The following JMJD1C variants were observed in gnomAD, a reference collection of about 807,000 sequenced individuals.
JMJD1C encodes the protein jumonji domain containing 1C.
A neutral mutation model predicts 245.3 loss-of-function variants in JMJD1C; 31 were observed. The observed-to-expected ratio is 0.13, with a 90% CI of 0.09 to 0.17. The LOEUF is 0.17. JMJD1C is among the 10% of genes least tolerant of loss of function. The pLI is 1.00. For synonymous variants in JMJD1C, 1,057 were observed against 1,017.4 expected (o/e 1.04, Z -0.74); for missense variants, 2,691 against 3,000.2 (o/e 0.90, Z 2.41).
chr10:63,228,622 C>T (rs1223414642), intron 3 of JMJD1C, among the ~76,000 whole-genome samples: 1 of 152,116 alleles, frequency 6.6e-6, no homozygotes, highest in Non-Finnish European at 1.5e-5. Context: ...ACAGAACAAC[C>T]AGTATGAAGC....
intron 1 of JMJD1C, among the ~76,000 whole-genome samples, chr10:63,435,826 G>A (rs569423873): frequency 6.6e-6 from 1 of 152,208 alleles, no homozygotes; most frequent in Non-Finnish European, 1.5e-5. Flanking sequence ...TAGAACCCAG[G>A]AGGCAGAAGT....
At chr10:63,385,405 C>A (rs1430063085) in intron 1 of JMJD1C, among the ~76,000 whole-genome samples, 1 of 147,806 alleles carries the variant, frequency 6.8e-6, no homozygotes, top group Non-Finnish European at 1.5e-5. Flanking sequence ...CCATGCCTTC[C>A]CTGCCCCCGC....
At chr10:63,255,107 A>C (rs905385023) in intron 3 of JMJD1C, among the ~76,000 whole-genome samples, 12 of 152,078 alleles carry the variant, frequency 7.9e-5, no homozygotes, top group Non-Finnish European at 1.6e-4. Flanking sequence ...CGGCCTCCCA[A>C]AGTGCTAGGA....
chr10:63,396,784 C>T (rs1948517733), intron 1 of JMJD1C, among the ~76,000 whole-genome samples: 1 of 151,424 alleles, frequency 6.6e-6, no homozygotes, highest in Admixed American at 6.6e-5. Context: ...TTGTGATATA[C>T]TTCCTTAGAT....
intron 2 of JMJD1C, among the ~76,000 whole-genome samples, chr10:63,338,730 C>T (rs1019207648): frequency 6.9e-6 from 1 of 144,284 alleles, no homozygotes; most frequent in Non-Finnish European, 1.5e-5. Flanking sequence ...CTCACCGCAA[C>T]CTCTGCCTCC....
At chr10:63,520,543 G>A (rs971437184) in intron 1 of JMJD1C, among the ~76,000 whole-genome samples, 5 of 148,574 alleles carry the variant, frequency 3.4e-5, no homozygotes, top group African/African-American at 7.4e-5. Context: ...GTCTGCCCTT[G>A]AAATGATATT....
intron 3 of JMJD1C, among the ~76,000 whole-genome samples, chr10:63,251,682 T>C (rs1853102126): frequency 6.6e-6 from 1 of 152,312 alleles, no homozygotes; most frequent in African/African-American, 2.4e-5. Flanking sequence ...TTTAGGATGC[T>C]GAAAGCACCT....
chr10:63,423,265 CA>C (rs1173924523), intron 1 of JMJD1C, among the ~76,000 whole-genome samples: 3 of 151,988 alleles, frequency 2.0e-5, no homozygotes, highest in Non-Finnish European at 2.9e-5. Context: ...GCACCTGGCC[CA>C]AAACTTTTTC....
intron 1 of JMJD1C, among the ~76,000 whole-genome samples, chr10:63,439,198 T>C (rs1487539535): frequency 6.6e-6 from 1 of 152,200 alleles, no homozygotes; most frequent in Non-Finnish European, 1.5e-5. Context: ...TAATGCCCAT[T>C]AGTACATACT....
chr10:63,214,027 A>C lies in JMJD1C; in HGVS notation c.2140T>G (p.Tyr714Asp). Residue 714 changes from tyrosine to aspartate, a missense_variant, in exon 8 of 26, where the codon TAC (tyrosine) becomes GAC (aspartate). By Grantham distance (160) the Tyr-to-Asp change is radical. This residue lies in a region of JMJD1C where 1,562 missense variants were observed against 1,490.7 expected (regional missense o/e 1.05). Transcript: ENST00000399262. ...GACCCAATAAGTGCAGGATCTCTGT[A>C]AACTGTAAAATGCTCATTTTTATCA... ...IIDKNEHFTVYRDPALIGSET... is the reference protein window; with the variant it reads ...IIDKNEHFTVDRDPALIGSET... The C allele has an allele frequency of 1.9e-6, 3 of 1,614,222 alleles. No homozygotes were observed. The South Asian group carries it at 3.3e-5, about 18-fold the overall frequency.
At chr10:63,485,310 C>T (rs1304585115) in intron 1 of JMJD1C, among the ~76,000 whole-genome samples, 1 of 152,060 alleles carries the variant, frequency 6.6e-6, no homozygotes, top group Non-Finnish European at 1.5e-5. Context: ...ACTGTGCTCT[C>T]CTCTTTCTAT....
At chr10:63,215,812 A>G (rs765271782) in intron 5 of JMJD1C, 116 bp from the exon 6 acceptor site, 9 of 630,408 alleles carry the variant, frequency 1.4e-5, no homozygotes, top group Non-Finnish European at 2.2e-5. Flanking sequence ...TCCCTAATTT[A>G]TAAGATGCTG....
chr10:63,464,296 A>T (rs373243666), intron 1 of JMJD1C, among the ~76,000 whole-genome samples: 1 of 152,218 alleles, frequency 6.6e-6, no homozygotes, highest in Admixed American at 6.5e-5. Context: ...CGCATTAACC[A>T]TATCATTGAC....
At chr10:63,379,409 T>C (rs1947033912) in intron 2 of JMJD1C, among the ~76,000 whole-genome samples, 2 of 152,188 alleles carry the variant, frequency 1.3e-5, no homozygotes, top group Admixed American at 1.3e-4. Context: ...CTTTTCCTAA[T>C]ACAATTTAAT....
chr10:63,236,727 A>C (rs991981038), intron 3 of JMJD1C, among the ~76,000 whole-genome samples: 7 of 152,214 alleles, frequency 4.6e-5, no homozygotes, highest in African/African-American at 1.7e-4. Flanking sequence ...AGAAGTAAAA[A>C]ATTCCTGGGA....
At chr10:63,405,620 G>A (rs1589685857) in intron 1 of JMJD1C, among the ~76,000 whole-genome samples, 3 of 152,116 alleles carry the variant, frequency 2.0e-5, no homozygotes, top group Non-Finnish European at 4.4e-5. Context: ...ACAGCGCCCA[G>A]CCCCACATGT....
chr10:63,385,400 C>T lies in JMJD1C; in HGVS notation c.169-4918G>A, dbSNP rs184201234. Among the ~76,000 whole-genome samples, 133 of 146,226 alleles carry T rather than the reference C, an allele frequency of 9.1e-4. 1 individual carries two copies. Among genetic ancestry groups the T allele is most frequent in the African/African-American group, 3.0e-3 (120 of 39,868 alleles). On this transcript the variant is annotated intron_variant, in intron 1 of 25. Transcript: ENST00000399262. ...ATGCAAAGTTGTCACAAATCCCATG[C>T]CTTCCCTGCCCCCGCCTTTTTTTTT... is the stretch of plus-strand genomic sequence containing the variant.
intron 1 of JMJD1C, among the ~76,000 whole-genome samples, chr10:63,485,915 C>T (rs16918507): frequency 0.14 from 20,759 of 151,722 alleles, 3,281 homozygotes; most frequent in African/African-American, 0.39. Flanking sequence ...ACAGTAGGGA[C>T]AAGACAAATA....
chr10:63,289,025 T>C (rs1858331597), intron 2 of JMJD1C, among the ~76,000 whole-genome samples: 1 of 151,944 alleles, frequency 6.6e-6, no homozygotes, highest in African/African-American at 2.4e-5. Context: ...TCTTTTAATA[T>C]CCTTAGTTCT....
Sources: gnomAD v4.1 joint callset for allele counts (sites outside exome capture counted in the v4.1 genomes callset) on GRCh38, gnomAD v4.1.1 for gene constraint, gnomAD v4.1.1 regional missense constraint, MANE v1.5 for transcripts, NCBI Gene and HGNC (gene_info 2026-07-23, HGNC 2026-07-21) for gene names.